DPP6: variants seen among roughly 807,000 people sequenced by gnomAD.
DPP6 encodes dipeptidyl peptidase like 6.
In DPP6, 69 loss-of-function variants were observed where a neutral mutation model predicts 122.6. The observed-to-expected ratio is 0.56, with a 90% CI of 0.46 to 0.69. DPP6 has a LOEUF of 0.69. DPP6 is among the 30% of genes least tolerant of loss of function. DPP6 has a pLI of 0.00. For missense variants in DPP6, 928 were observed against 1,116.9 expected, an observed-to-expected ratio of 0.83 and a Z score of 2.41; for synonymous variants, 418 against 433.1, an observed-to-expected ratio of 0.97 and a Z score of 0.43.
rs530946060 is a variant in DPP6 at position 153,889,193 on chromosome 7, G to T, written c.51+1459G>T. On this transcript the variant is annotated intron_variant, in intron 1 of 25. Transcript: ENST00000404039. ...ACAAGCCCCCATCTAGGGGCGGTTC[G>T]CAGTCCTCGGTCCGTGGGTTCTCTG... Among the ~76,000 whole-genome samples, 3 of 152,274 alleles carry T rather than the reference G, an allele frequency of 2.0e-5. No individual in the cohort carries two copies. In the South Asian group the frequency reaches 6.2e-4, roughly 32 times the overall value.
rs78942094 is a variant in DPP6 at position 154,323,955 on chromosome 7, C to T, written c.244-122259C>T. Among the ~76,000 whole-genome samples, 194 of 152,248 alleles carry T rather than the reference C, an allele frequency of 1.3e-3. 1 individual carries two copies. Among genetic ancestry groups the T allele is most frequent in the African/African-American group, 4.5e-3 (188 of 41,544 alleles). On this transcript the variant is annotated intron_variant, in intron 1 of 25. Coordinates refer to ENST00000377770, the MANE Select transcript of DPP6 (RefSeq NM_130797.4). ...AGTGAGACAGTACAGGTGAAAACTA[C>T]AAAATCTCTCTTGTAAAATACACAT...
At chr7:154,087,513 G>T (rs570413678) in intron 1 of DPP6, among the ~76,000 whole-genome samples, 2 of 152,224 alleles carry the variant, frequency 1.3e-5, no homozygotes, top group African/African-American at 2.4e-5. Context: ...AGAATTAGCC[G>T]CAGGCCAGGG....
chr7:154,852,662 C>T (rs1802506140), intron 16 of DPP6, among the ~76,000 whole-genome samples: 1 of 152,222 alleles, frequency 6.6e-6, no homozygotes, highest in Non-Finnish European at 1.5e-5. Flanking sequence ...GTGAATCTGA[C>T]ACATTCTTGA....
intron 5 of DPP6, among the ~76,000 whole-genome samples, chr7:154,623,614 C>T (rs73727322): frequency 0.12 from 18,380 of 149,220 alleles, 1,071 homozygotes; most frequent in African/African-American, 0.16. Flanking sequence ...CACACACGCA[C>T]GTACACGCGC....
At chr7:153,749,607 A>G in the DPP6 span, among the ~76,000 whole-genome samples, 114 of 152,330 alleles carry the variant, frequency 7.5e-4, no homozygotes, top group Non-Finnish European at 1.5e-3. The surrounding 1 kb of genome is among the most constrained non-coding windows in gnomAD (Gnocchi z 4.1). Context: ...CTAGCAGCCC[A>G]GAGTGTGAGG....
the DPP6 span, among the ~76,000 whole-genome samples, chr7:153,875,924 C>CAAA: frequency 2.4e-4 from 31 of 126,954 alleles, no homozygotes; most frequent in African/African-American, 6.0e-4. Context: ...ATATGAGGAC[C>CAAA]AAAAAAAAAA....
At chr7:154,446,845 G>T (rs190682910) in intron 2 of DPP6, among the ~76,000 whole-genome samples, 31 of 152,284 alleles carry the variant, frequency 2.0e-4, no homozygotes, top group African/African-American at 7.2e-4. Flanking sequence ...GCACTATTGA[G>T]TAAGCCAAAG....
At chr7:154,671,167 T>C (rs1020106253) in intron 7 of DPP6, among the ~76,000 whole-genome samples, 1 of 152,240 alleles carries the variant, frequency 6.6e-6, no homozygotes, top group African/African-American at 2.4e-5. Flanking sequence ...ACTGAATCTC[T>C]AATAGTTGAC....
intron 21 of DPP6, chr7:154,883,761 ACT>A (rs1563323090): frequency 2.2e-5 from 3 of 136,694 alleles, no homozygotes; most frequent in East Asian, 4.8e-4. Context: ...ACATACACCT[ACT>A]CACACACACA....
At chr7:154,383,890 CAAA>C (rs375015144) in intron 1 of DPP6, among the ~76,000 whole-genome samples, 1 of 106,560 alleles carries the variant, frequency 9.4e-6, no homozygotes, top group Non-Finnish European at 1.8e-5. Context: ...ACTCTGTCTC[CAAA>C]AAAAAAAAAA....
chr7:154,851,520 T>A (rs1239580847), intron 16 of DPP6, among the ~76,000 whole-genome samples: 1 of 152,170 alleles, frequency 6.6e-6, no homozygotes, highest in Middle Eastern at 3.2e-3. Flanking sequence ...GGGGGGGAAA[T>A]GAATCTTAGA....
chr7:154,250,409 G>A (rs1249838835), intron 1 of DPP6, among the ~76,000 whole-genome samples: 2 of 152,122 alleles, frequency 1.3e-5, no homozygotes, highest in Admixed American at 1.3e-4. Context: ...GAGGGCGTGT[G>A]GGTGCGTGCG....
chr7:154,463,195 CTTTTTTTTTTTTT>C (rs368362408), intron 2 of DPP6, among the ~76,000 whole-genome samples: 1,907 of 84,064 alleles, frequency 0.023, 26 homozygotes, highest in Non-Finnish European at 0.031. Flanking sequence ...TTCTCCTTTT[CTTTTTTTTTTTTT>C]TTTTTTTTTT....
intron 1 of DPP6, among the ~76,000 whole-genome samples, chr7:154,156,354 C>T (rs1360169939): frequency 2.6e-5 from 4 of 152,210 alleles, no homozygotes; most frequent in Non-Finnish European, 5.9e-5. Flanking sequence ...AGTATTTGGC[C>T]AGGCCCAGAG....
chr7:154,642,879 G>T (rs1171800255), intron 6 of DPP6, among the ~76,000 whole-genome samples: 1 of 152,180 alleles, frequency 6.6e-6, no homozygotes. Context: ...TCCAGCCTGG[G>T]TGGGAGAGCG....
intron 1 of DPP6, among the ~76,000 whole-genome samples, chr7:154,010,529 T>C (rs1170543758): frequency 6.6e-6 from 1 of 152,252 alleles, no homozygotes; most frequent in African/African-American, 2.4e-5. Flanking sequence ...CTCATCTACG[T>C]GCATGTCAAT....
intron 1 of DPP6, among the ~76,000 whole-genome samples, chr7:153,939,950 C>T (rs369206273): frequency 5.3e-5 from 8 of 152,140 alleles, no homozygotes; most frequent in African/African-American, 1.4e-4. Flanking sequence ...CATGCCCGAT[C>T]GTAAGGAGCA....
chr7:154,475,014 A>G lies in DPP6; in HGVS notation c.434A>G (p.Asp145Gly). The change falls in exon 3 of 26, where the codon GAC becomes GGC. Residue 145 changes from aspartate (D) to glycine (G), a missense_variant. Coordinates refer to ENST00000377770, the MANE Select transcript of DPP6 (RefSeq NM_130797.4). ...DLFSEDFKIH[D>G]PEAKWISDTE... ...TTCAGTGAAGACTTCAAAATTCATG[A>G]CCCCGAGGCTAAGTGGATAAGTGGT... is the stretch of plus-strand genomic sequence containing the variant. 1 of 1,613,636 alleles carries G rather than the reference A, an allele frequency of 6.2e-7. No individual in the cohort carries two copies. Among genetic ancestry groups the G allele is most frequent in the Non-Finnish European group, 8.5e-7 (1 of 1,179,688 alleles).
At chr7:154,738,312 A>G (rs1223655476) in intron 8 of DPP6, among the ~76,000 whole-genome samples, 1 of 152,228 alleles carries the variant, frequency 6.6e-6, no homozygotes, top group South Asian at 2.1e-4. Flanking sequence ...GAGAAACTTG[A>G]CAGAGACTTC....
Sources: gnomAD v4.1 joint callset for allele counts (sites outside exome capture counted in the v4.1 genomes callset) on GRCh38, gnomAD v4.1.1 for gene constraint, Gnocchi (gnomAD v3.1) non-coding constraint, MANE v1.5 for transcripts, NCBI Gene and HGNC (gene_info 2026-07-23, HGNC 2026-07-21) for gene names.